KCNU1: variants seen among roughly 807,000 people sequenced by gnomAD.
KCNU1 encodes the protein potassium channel subfamily U member 1.
Under a neutral mutation model 126.8 loss-of-function variants are expected in KCNU1, and 93 were observed. The ratio of observed to expected loss-of-function variants is 0.73; its 90% confidence interval spans 0.62 to 0.87. The LOEUF (loss-of-function observed/expected upper bound fraction) is 0.87. Among genes scored for constraint, KCNU1 ranks in the 40% least tolerant of loss-of-function variants. KCNU1 has a pLI of 0.00. For synonymous variants in KCNU1, 523 were observed against 494.2 expected, an observed-to-expected ratio of 1.06 and a Z score of -0.77; for missense variants, 1,330 against 1,367.1, an observed-to-expected ratio of 0.97 and a Z score of 0.43.
intron 20 of KCNU1, among the ~76,000 whole-genome samples, chr8:36,907,470 T>C (rs1216093735): frequency 6.6e-6 from 1 of 152,164 alleles, no homozygotes; most frequent in Non-Finnish European, 1.5e-5. Flanking sequence ...GAGGCTTCAT[T>C]ATTCAAGTTA....
intron 9 of KCNU1, 123 bp downstream of exon 9, chr8:36,815,810 C>G (rs377578099): frequency 5.0e-6 from 3 of 601,178 alleles, no homozygotes; most frequent in Non-Finnish European, 8.8e-6. Flanking sequence ...AGCAACATCC[C>G]GTATTCACTA....
In KCNU1 at chr8:36,909,608, A is replaced by G. The variant is rs527908091; in HGVS notation, c.2331+73A>G. On this transcript the variant is annotated intron_variant, in intron 21 of 26. Transcript: ENST00000399881. Reference sequence around the variant, plus strand: ...TAATAGGACTAGAATTAATAATGATAATATTGCAGTTCTACAGTCCTTGCC... The same window carrying G: ...TAATAGGACTAGAATTAATAATGATGATATTGCAGTTCTACAGTCCTTGCC... 29 of 877,300 alleles carry G rather than the reference A, an allele frequency of 3.3e-5. No homozygotes were observed. In the African/African-American group the frequency reaches 4.4e-4, roughly 13 times the overall value. The allele number at this position is 877,300 out of a possible 1,614,324, so 54.3% of individuals were successfully genotyped here.
intron 2 of KCNU1, among the ~76,000 whole-genome samples, chr8:36,800,597 C>T (rs888090689): frequency 1.1e-4 from 17 of 152,340 alleles, no homozygotes; most frequent in African/African-American, 3.8e-4. Flanking sequence ...GGCCCCATCT[C>T]CAATCCATGG....
At chr8:36,841,453 A>G (rs1481067731) in intron 16 of KCNU1, among the ~76,000 whole-genome samples, 1 of 152,166 alleles carries the variant, frequency 6.6e-6, no homozygotes, top group African/African-American at 2.4e-5. Context: ...GCACTTTGAG[A>G]GTTTGAGGCA....
At chr8:36,933,931 G>A (rs1009030464) in intron 26 of KCNU1, among the ~76,000 whole-genome samples, 8 of 152,060 alleles carry the variant, frequency 5.3e-5, no homozygotes, top group Non-Finnish European at 7.4e-5. Flanking sequence ...AGTTGAGAAA[G>A]GAGTCAATGT....
At position 36,927,207 on chromosome 8, in the gene KCNU1, G is replaced by A. The variant is rs956436312; in HGVS notation, c.2737-3744G>A. On this transcript the variant is annotated intron_variant, in intron 24 of 26. Coordinates refer to ENST00000399881, the MANE Select transcript of KCNU1 (RefSeq NM_001031836.3). ...ATTTTAAAAATTCTATCCCTTGTTA[G>A]ACCTGTGCTGGTTTTTTCAATGTAG... Among the ~76,000 whole-genome samples the A allele has an allele frequency of 3.9e-5, 6 of 152,250 alleles. No individual in the cohort carries two copies. In the South Asian group the frequency reaches 1.2e-3, roughly 32 times the overall value.
intron 1 of KCNU1, among the ~76,000 whole-genome samples, chr8:36,784,856 T>C (rs1294144012): frequency 1.3e-5 from 2 of 152,180 alleles, no homozygotes; most frequent in Non-Finnish European, 2.9e-5. Flanking sequence ...ATGATTAATG[T>C]TAGCTCTGGA....
Position 36,935,991 on chromosome 8 carries a change from C to G in KCNU1, c.*71C>G. The G allele has an allele frequency of 7.3e-7, 1 of 1,361,490 alleles. No homozygotes were observed. The highest frequency in any genetic ancestry group is 1.0e-6 in the Non-Finnish European group (1 of 1,002,002). 84.3% of individuals were successfully genotyped at this position (1,361,490 alleles called of 1,614,324 possible). On this transcript the variant is annotated 3_prime_UTR_variant, in exon 27 of 27. Transcript: ENST00000399881. The stretch of plus-strand genomic sequence containing the variant: ...CATCTCCTGAGATGCTAACTTTGAA[C>G]AAAGAAAATAAGAATGGAAGCATGC...
Position 36,932,121 on chromosome 8 carries a change from G to A in KCNU1, c.2932-799G>A, listed in dbSNP as rs528658766. ...ATGTCAATGTGTGCTGCCAAAAGGG[G>A]CAGGACCCATGTTCTGTGCATTAGC... On this transcript the variant is annotated intron_variant, in intron 25 of 26. Transcript: ENST00000399881. Among the ~76,000 whole-genome samples the A allele has an allele frequency of 7.2e-4, 110 of 152,240 alleles. 1 individual carries two copies. The South Asian group carries it at 8.1e-3, about 11-fold the overall frequency.
intron 21 of KCNU1, among the ~76,000 whole-genome samples, chr8:36,910,041 G>T (rs1372688109): frequency 6.6e-6 from 1 of 152,064 alleles, no homozygotes; most frequent in Non-Finnish European, 1.5e-5. Context: ...ATGTGGTATG[G>T]CGGTTGCAAC....
chr8:36,799,717 T>C (rs1404801069), intron 2 of KCNU1, among the ~76,000 whole-genome samples: 1 of 151,288 alleles, frequency 6.6e-6, no homozygotes, highest in Non-Finnish European at 1.5e-5. Flanking sequence ...TTTTTTTGTA[T>C]TTTTAGTAGA....
intron 2 of KCNU1, among the ~76,000 whole-genome samples, chr8:36,793,541 G>A (rs2130352400): frequency 6.6e-6 from 1 of 152,070 alleles, no homozygotes; most frequent in African/African-American, 2.4e-5. Flanking sequence ...CAGATGTCAA[G>A]AAATTTAGAT....
chr8:36,844,144 C>T (rs1055939588), intron 16 of KCNU1, among the ~76,000 whole-genome samples: 8 of 152,024 alleles, frequency 5.3e-5, no homozygotes, highest in Admixed American at 1.3e-4. Context: ...TTTGGGAGGC[C>T]GAAGCAGGTG....
chr8:36,915,857 G>A (rs1399248225), intron 22 of KCNU1, among the ~76,000 whole-genome samples: 2 of 152,084 alleles, frequency 1.3e-5, no homozygotes, highest in African/African-American at 4.8e-5. Context: ...TTTGCAACAT[G>A]TGGTATGTAA....
intron 15 of KCNU1, 146 bp from the exon 16 acceptor site, chr8:36,840,786 G>T: frequency 1.4e-6 from 1 of 696,482 alleles, no homozygotes; most frequent in South Asian, 1.7e-5. Context: ...TACTTTAGGT[G>T]GATTCACTTA....
chr8:36,803,081 C>T (rs1258145911), intron 2 of KCNU1, among the ~76,000 whole-genome samples: 2 of 152,240 alleles, frequency 1.3e-5, no homozygotes, highest in East Asian at 3.9e-4. Context: ...TCTGATCTCC[C>T]CTTTCTGATC....
chr8:36,870,090 C>T (rs147894262), intron 19 of KCNU1, among the ~76,000 whole-genome samples: 320 of 152,306 alleles, frequency 2.1e-3, no homozygotes, highest in African/African-American at 7.4e-3. Flanking sequence ...TTTTCCATGG[C>T]AATTCCAGCT....
intron 8 of KCNU1, 56 bp downstream of exon 8, chr8:36,814,433 G>A (rs770555161): frequency 1.6e-6 from 2 of 1,263,518 alleles, no homozygotes; most frequent in Non-Finnish European, 2.3e-6. Context: ...GAAATATTTG[G>A]TTAATGGTAA....
intron 22 of KCNU1, among the ~76,000 whole-genome samples, chr8:36,913,971 C>G (rs997788877): frequency 6.6e-6 from 1 of 152,116 alleles, no homozygotes; most frequent in Non-Finnish European, 1.5e-5. Context: ...AGAATCTTCC[C>G]CAGTTACTCT....
Sources: allele counts gnomAD v4.1 joint callset (sites outside exome capture counted in the v4.1 genomes callset), GRCh38; gene constraint gnomAD v4.1.1; transcripts MANE v1.5; gene names NCBI Gene and HGNC (gene_info 2026-07-23, HGNC 2026-07-21).